The following ZNF483 variants were observed in gnomAD, a reference collection of about 807,000 sequenced individuals.
ZNF483 encodes zinc finger protein HIT-10.
A neutral mutation model predicts 28.6 loss-of-function variants in ZNF483; 9 were observed. The ratio of observed to expected loss-of-function variants is 0.32; its 90% confidence interval spans 0.19 to 0.55. The LOEUF (loss-of-function observed/expected upper bound fraction) is 0.55. Ranked by LOEUF, ZNF483 falls within the 20% of genes least tolerant of loss-of-function variation. The probability of loss-of-function intolerance (pLI) is 0.93; values close to 1 mark genes in which losing one functional copy is unlikely to be tolerated. For missense variants in ZNF483, 675 were observed against 871.7 expected, an observed-to-expected ratio of 0.77 and a Z score of 2.84; for synonymous variants, 322 against 306.2, an observed-to-expected ratio of 1.05 and a Z score of -0.54.
At chr9:111,574,620 A>AT in intron 5 of ZNF483, 5 of 699,424 alleles carry the variant, frequency 7.1e-6, no homozygotes, top group Non-Finnish European at 1.1e-5. Context: ...AAAAAAAAAA[A>AT]GAATATATGA....
chr9:111,571,111 C>A (rs1355958758), intron 5 of ZNF483, among the ~76,000 whole-genome samples: 2 of 150,206 alleles, frequency 1.3e-5, no homozygotes, highest in East Asian at 4.2e-4. Context: ...AACCTCTAGA[C>A]CTACAAGAAT....
At chr9:111,576,260 C>T (rs1829049702) in intron 5 of ZNF483, 2 of 1,138,582 alleles carry the variant, frequency 1.8e-6, no homozygotes, top group East Asian at 2.4e-5. Context: ...TAGAGTTGGT[C>T]CTCATTATTA....
At chr9:111,574,651 G>T in intron 5 of ZNF483, 1 of 785,266 alleles carries the variant, frequency 1.3e-6, no homozygotes, top group South Asian at 2.3e-5. Context: ...AATAATTTCA[G>T]AGTCACTGGC....
At chr9:111,537,006 G>T (rs975470925) in intron 5 of ZNF483, among the ~76,000 whole-genome samples, 4 of 152,162 alleles carry the variant, frequency 2.6e-5, no homozygotes, top group African/African-American at 7.2e-5. Context: ...AAGCAGTTCA[G>T]CTTTTTCTTG....
Position 111,543,960 on chromosome 9 carries a change from A to C in ZNF483, c.*790A>C, listed in dbSNP as rs1564598558. The stretch of plus-strand genomic sequence containing the variant: ...TTCTAGCTTAGTGAGAATGCAGTAT[A>C]CTTTTTGAAAACTTCGTGCAGGAAT... On this transcript the variant is annotated 3_prime_UTR_variant, in exon 6 of 6. Transcript: ENST00000309235. 1.0e-6 allele frequency: 1 copy of C among 985,164 alleles called. No homozygotes were observed. Among genetic ancestry groups the C allele is most frequent in the Non-Finnish European group, 1.2e-6 (1 of 829,948 alleles). 61.0% of individuals were successfully genotyped at this position (985,164 alleles called of 1,614,324 possible). A position where few individuals can be genotyped will look rare whatever the true frequency, so the allele number is the denominator to read the frequency against.
intron 5 of ZNF483, among the ~76,000 whole-genome samples, chr9:111,565,504 C>G (rs1459257963): frequency 6.6e-6 from 1 of 152,084 alleles, no homozygotes; most frequent in African/African-American, 2.4e-5. Context: ...CCCAATTTTC[C>G]TATAAATCTA....
chr9:111,569,887 GAAATGA>G (rs1456686346), intron 5 of ZNF483: 1 of 768,226 alleles, frequency 1.3e-6, no homozygotes. Context: ...ATTTGCAGTG[GAAATGA>G]ACTTTAGAGA....
chr9:111,566,471 G>C (rs1828567253), intron 5 of ZNF483, among the ~76,000 whole-genome samples: 1 of 152,212 alleles, frequency 6.6e-6, no homozygotes, highest in Non-Finnish European at 1.5e-5. Flanking sequence ...ATTGGGAAAT[G>C]ATCATTGGCC....
chr9:111,538,273 G>A (rs1443218768), intron 5 of ZNF483, among the ~76,000 whole-genome samples: 1 of 151,950 alleles, frequency 6.6e-6, no homozygotes, highest in Non-Finnish European at 1.5e-5. Flanking sequence ...TCAACACTTT[G>A]GGAGGTCAAA....
downstream of ZNF483, among the ~76,000 whole-genome samples, chr9:111,558,045 G>C (rs1828174667): frequency 6.6e-6 from 1 of 152,106 alleles, no homozygotes; most frequent in Non-Finnish European, 1.5e-5. Flanking sequence ...TACTCAGGAG[G>C]CTGAGGCAGG....
In ZNF483 at chr9:111,549,948, G is replaced by T. The variant is rs1262227764; in HGVS notation, c.*6778G>T. The T allele has an allele frequency of 3.6e-6, 2 of 550,734 alleles. No homozygotes were observed. The highest frequency in any genetic ancestry group is 6.3e-6 in the Non-Finnish European group (2 of 316,948). 34.1% of individuals were successfully genotyped at this position (550,734 alleles called of 1,614,324 possible). ...TTGAATGGTCAATACTTGTTTCTTT[G>T]TATGCATCGTGATTGTTTTTGTTGA... On this transcript the variant is annotated 3_prime_UTR_variant, in exon 6 of 6. Coordinates refer to ENST00000309235, the MANE Select transcript of ZNF483 (RefSeq NM_133464.5).
At chr9:111,563,289 G>A (rs1191913330) in intron 5 of ZNF483, 2 of 1,474,664 alleles carry the variant, frequency 1.4e-6, no homozygotes, top group African/African-American at 2.8e-5. Flanking sequence ...ATGATATACT[G>A]TTCTCATCCT....
At chr9:111,538,813 AAAAC>A (rs1288186700) in intron 5 of ZNF483, among the ~76,000 whole-genome samples, 1 of 152,006 alleles carries the variant, frequency 6.6e-6, no homozygotes, top group Non-Finnish European at 1.5e-5. Context: ...CAATAATTAA[AAAAC>A]AAACAAAAAA....
chr9:111,529,956 A>G (rs923872511), intron 2 of ZNF483, among the ~76,000 whole-genome samples: 2 of 152,226 alleles, frequency 1.3e-5, no homozygotes, highest in Non-Finnish European at 2.9e-5. Context: ...TAAAGGAGAA[A>G]GACAGTCTTT....
chr9:111,562,396 C>T (rs537776272), intron 5 of ZNF483, among the ~76,000 whole-genome samples: 33 of 151,932 alleles, frequency 2.2e-4, no homozygotes, highest in African/African-American at 7.7e-4. Context: ...CTGTCTCAGC[C>T]TCCCAAGAGG....
rs1051022059 is a variant in ZNF483 at position 111,545,550 on chromosome 9, G to A, written c.*2380G>A. On this transcript the variant is annotated 3_prime_UTR_variant, in exon 6 of 6. Coordinates refer to ENST00000309235, the MANE Select transcript of ZNF483 (RefSeq NM_133464.5). ...TTAGAACATCATCCCAGCAAGATCC[G>A]TTATTCCAGTTTACAGTTAATCTCC... Among the ~76,000 whole-genome samples, 10 of 152,064 alleles carry A rather than the reference G, an allele frequency of 6.6e-5. No homozygotes were observed. The highest frequency in any genetic ancestry group is 2.2e-4 in the African/African-American group (9 of 41,422).
In ZNF483 at chr9:111,550,556, A is replaced by G. The variant is rs530021930; in HGVS notation, c.*7386A>G. On this transcript the variant is annotated 3_prime_UTR_variant, in exon 6 of 6. Transcript: ENST00000309235. ...CCACTCAGAATTTCCCCTAGAAGCTACAAGTGTTCAGATGGACTCATGTGC... is the reference window on the plus strand; with the variant it reads ...CCACTCAGAATTTCCCCTAGAAGCTGCAAGTGTTCAGATGGACTCATGTGC... 1.3e-5 allele frequency among the ~76,000 whole-genome samples: 2 copies of G among 152,286 alleles called. No homozygotes were observed. The highest frequency in any genetic ancestry group is 4.8e-5 in the African/African-American group (2 of 41,572).
chr9:111,576,345 C>A (rs767469262), intron 5 of ZNF483: 46 of 1,613,596 alleles, frequency 2.9e-5, no homozygotes, highest in Non-Finnish European at 3.6e-5. Flanking sequence ...ACTCACTAAG[C>A]TTTCCCTGGT....
At position 111,543,701 on chromosome 9, in the gene ZNF483, C is replaced by A; in HGVS notation, c.*531C>A. ...ACATAAGTTATTTTTTTTTATTTGT[C>A]ATTACTTTCAAGTTTCTCTAGTAAA... is the stretch of plus-strand genomic sequence containing the variant. On this transcript the variant is annotated 3_prime_UTR_variant, in exon 6 of 6. Transcript: ENST00000309235. 1 of 972,474 alleles carries A rather than the reference C, an allele frequency of 1.0e-6. No individual in the cohort carries two copies. The highest frequency in any genetic ancestry group is 1.2e-6 in the Non-Finnish European group (1 of 819,348). 60.2% of individuals were successfully genotyped at this position (972,474 alleles called of 1,614,324 possible).
Sources: allele counts gnomAD v4.1 joint callset (sites outside exome capture counted in the v4.1 genomes callset), GRCh38; gene constraint gnomAD v4.1.1; transcripts MANE v1.5; gene names NCBI Gene and HGNC (gene_info 2026-07-23, HGNC 2026-07-21).